DPYD: variants seen among roughly 807,000 people sequenced by gnomAD.
DPYD encodes the protein dihydropyrimidine dehydrogenase [NADP(+)].
In DPYD, 109 loss-of-function variants were observed where a neutral mutation model predicts 116.2. The ratio of observed to expected loss-of-function variants is 0.94; its 90% confidence interval spans 0.80 to 1.10. The LOEUF (loss-of-function observed/expected upper bound fraction) is 1.10. Ranked by LOEUF, DPYD falls within the 50% of genes least tolerant of loss-of-function variation. DPYD has a pLI of 0.00. For missense variants in DPYD, 1,302 were observed against 1,254.5 expected (o/e 1.04, Z -0.57); for synonymous variants, 440 against 432.0 (o/e 1.02, Z -0.23).
intron 11 of DPYD, among the ~76,000 whole-genome samples, chr1:97,555,789 A>G (rs1290822784): frequency 6.6e-6 from 1 of 152,026 alleles, no homozygotes; most frequent in African/African-American, 2.4e-5. Context: ...TTCTCTCCAC[A>G]TGGGCCCAAG....
At chr1:97,518,989 A>G (rs1432114524) in intron 12 of DPYD, among the ~76,000 whole-genome samples, 1 of 152,172 alleles carries the variant, frequency 6.6e-6, no homozygotes, top group African/African-American at 2.4e-5. Context: ...AAACATCAAC[A>G]TGCTAGGAGA....
intron 14 of DPYD, among the ~76,000 whole-genome samples, chr1:97,401,035 T>C (rs905199026): frequency 6.6e-6 from 1 of 152,126 alleles, no homozygotes; most frequent in Non-Finnish European, 1.5e-5. Context: ...TACCTCATTG[T>C]TGTTTTAATT....
At chr1:97,529,462 T>C (rs1216943391) in intron 12 of DPYD, among the ~76,000 whole-genome samples, 1 of 152,210 alleles carries the variant, frequency 6.6e-6, no homozygotes, top group Non-Finnish European at 1.5e-5. Context: ...GAGAGCAGTA[T>C]TATTACACAC....
At chr1:97,698,711 A>T (rs942823721) in intron 6 of DPYD, among the ~76,000 whole-genome samples, 1 of 151,888 alleles carries the variant, frequency 6.6e-6, no homozygotes, top group African/African-American at 2.4e-5. Context: ...GTTTTAAGCA[A>T]TATCTATTCC....
At chr1:97,734,646 A>G (rs1663822704) in intron 4 of DPYD, among the ~76,000 whole-genome samples, 2 of 152,186 alleles carry the variant, frequency 1.3e-5, no homozygotes, top group South Asian at 4.1e-4. Context: ...TTCTAATTAG[A>G]AATTAAAATT....
chr1:97,277,491 G>C (rs1340008821), intron 18 of DPYD, among the ~76,000 whole-genome samples: 1 of 152,070 alleles, frequency 6.6e-6, no homozygotes, highest in African/African-American at 2.4e-5. Context: ...CCATAAAGCT[G>C]TTCTCCAGAG....
intron 14 of DPYD, among the ~76,000 whole-genome samples, chr1:97,403,112 G>C (rs1411432949): frequency 6.6e-6 from 1 of 152,004 alleles, no homozygotes; most frequent in Non-Finnish European, 1.5e-5. Context: ...TTAGGTATTA[G>C]GGCCTCATAT....
At chr1:97,533,557 C>G (rs901587579) in intron 12 of DPYD, among the ~76,000 whole-genome samples, 1 of 151,974 alleles carries the variant, frequency 6.6e-6, no homozygotes, top group Admixed American at 6.6e-5. Flanking sequence ...CAGGGTGGTG[C>G]CTGACAGCAA....
At chr1:97,200,776 G>A (rs780670686) in intron 19 of DPYD, among the ~76,000 whole-genome samples, 4 of 152,110 alleles carry the variant, frequency 2.6e-5, no homozygotes, top group Admixed American at 6.6e-5. Context: ...CAGAGATCAG[G>A]AGTCCAGACT....
intron 8 of DPYD, among the ~76,000 whole-genome samples, chr1:97,608,127 G>A (rs1655718856): frequency 1.3e-5 from 2 of 151,802 alleles, no homozygotes; most frequent in Admixed American, 1.3e-4. Flanking sequence ...TTGGCCAGAA[G>A]GAGAATACAT....
At chr1:97,818,107 T>G (rs771740619) in intron 3 of DPYD, among the ~76,000 whole-genome samples, 1 of 152,060 alleles carries the variant, frequency 6.6e-6, no homozygotes, top group Non-Finnish European at 1.5e-5. Flanking sequence ...TTCTTACTCA[T>G]GTTGCTGTTG....
chr1:97,620,785 C>A (rs978560016), intron 8 of DPYD, among the ~76,000 whole-genome samples: 2 of 152,120 alleles, frequency 1.3e-5, no homozygotes, highest in Non-Finnish European at 2.9e-5. Context: ...CTGCCCCTAT[C>A]TAATCATTCT....
At chr1:97,910,073 C>T (rs1673855523) in intron 1 of DPYD, among the ~76,000 whole-genome samples, 1 of 152,058 alleles carries the variant, frequency 6.6e-6, no homozygotes, top group African/African-American at 2.4e-5. Context: ...TACAGGGAGG[C>T]CTTCTCTGAC....
chr1:97,148,978 A>T (rs1172220474), intron 20 of DPYD, among the ~76,000 whole-genome samples: 1 of 152,328 alleles, frequency 6.6e-6, no homozygotes, highest in Non-Finnish European at 1.5e-5. Flanking sequence ...CTTGATAGAT[A>T]TTAATGAAAT....
intron 8 of DPYD, among the ~76,000 whole-genome samples, chr1:97,628,037 G>C (rs1557846647): frequency 6.6e-6 from 1 of 151,974 alleles, no homozygotes; most frequent in African/African-American, 2.4e-5. Flanking sequence ...GAAAGGGCAG[G>C]TTCCTATTTC....
At chr1:97,585,982 G>A (rs76936576) in intron 10 of DPYD, 1 of 220,922 alleles carries the variant, frequency 4.5e-6, no homozygotes, top group South Asian at 8.4e-5. Context: ...AGCTGAGATA[G>A]AAGTACAATG....
In DPYD at chr1:97,240,036, A is replaced by T. The variant is rs572771443; in HGVS notation, c.2300-5042T>A. ...TTCTTGTGTGTTTAGTGATGCAATT[A>T]AAACCAATTTTTAAATTGGAGACAA... is the stretch of plus-strand genomic sequence containing the variant. On this transcript the variant is annotated intron_variant, in intron 18 of 22. Transcript: ENST00000370192. Among the ~76,000 whole-genome samples the T allele has an allele frequency of 2.0e-5, 3 of 152,154 alleles. No individual in the cohort carries two copies. The Middle Eastern group carries it at 0.01, about 518-fold the overall frequency.
chr1:97,269,924 A>G (rs1312338247), intron 18 of DPYD, among the ~76,000 whole-genome samples: 2 of 152,220 alleles, frequency 1.3e-5, no homozygotes, highest in Non-Finnish European at 1.5e-5. Context: ...TTACTTCATC[A>G]GCAAATTTAT....
intron 10 of DPYD, among the ~76,000 whole-genome samples, chr1:97,592,685 GCTAA>G (rs1439849750): frequency 1.3e-5 from 2 of 152,120 alleles, no homozygotes; most frequent in African/African-American, 2.4e-5. Flanking sequence ...TTTTTAGTAT[GCTAA>G]CTAACTACTA....
Sources: gnomAD v4.1 joint callset for allele counts (sites outside exome capture counted in the v4.1 genomes callset) on GRCh38, gnomAD v4.1.1 for gene constraint, MANE v1.5 for transcripts, NCBI Gene and HGNC (gene_info 2026-07-23, HGNC 2026-07-21) for gene names.